PELI2: variants seen among roughly 807,000 people sequenced by gnomAD.
The protein encoded by PELI2 is E3 ubiquitin-protein ligase pellino homolog 2.
PELI2 carries 23 observed loss-of-function variants against 42.3 expected under a neutral mutation model. The ratio of observed to expected loss-of-function variants is 0.54; its 90% CI spans 0.39 to 0.77. PELI2 has a LOEUF of 0.77. Among genes scored for constraint, PELI2 ranks in the 30% least tolerant of loss-of-function variants. The probability of loss-of-function intolerance (pLI) is 0.00; values close to 1 mark genes in which losing one functional copy is unlikely to be tolerated. For synonymous variants in PELI2, 245 were observed against 212.2 expected (o/e 1.15, Z -1.34); for missense variants, 463 against 553.2 (o/e 0.84, Z 1.64).
intron 2 of PELI2, among the ~76,000 whole-genome samples, chr14:56,272,387 C>A: frequency 6.6e-6 from 1 of 152,160 alleles, no homozygotes; most frequent in East Asian, 1.9e-4. Context: ...ACACCGCATT[C>A]CCTTAAATGA....
chr14:56,122,598 C>CTT (rs34293379), intron 1 of PELI2, among the ~76,000 whole-genome samples: 16 of 149,324 alleles, frequency 1.1e-4, no homozygotes, highest in Admixed American at 1.3e-4. Context: ...TTTTGCAAGA[C>CTT]TTTTTTTTTT....
At chr14:56,294,436 C>T (rs1031882450) in intron 5 of PELI2, among the ~76,000 whole-genome samples, 9 of 152,160 alleles carry the variant, frequency 5.9e-5, no homozygotes, top group African/African-American at 1.4e-4. Context: ...CAGGAGAAGT[C>T]GAGTGACTGC....
At chr14:56,248,368 T>A (rs1888231452) in intron 2 of PELI2, among the ~76,000 whole-genome samples, 2 of 151,782 alleles carry the variant, frequency 1.3e-5, no homozygotes. Flanking sequence ...CAGATCATTA[T>A]TCCTTTTTTT....
intron 2 of PELI2, among the ~76,000 whole-genome samples, chr14:56,250,875 A>C (rs1392229787): frequency 6.6e-6 from 1 of 152,198 alleles, no homozygotes; most frequent in East Asian, 1.9e-4. Context: ...AGCCTGTGCA[A>C]GTGATTTACT....
intron 1 of PELI2, among the ~76,000 whole-genome samples, chr14:56,169,509 C>T (rs997275197): frequency 6.6e-6 from 1 of 152,228 alleles, no homozygotes; most frequent in African/African-American, 2.4e-5. Flanking sequence ...TGTGCTCTCC[C>T]TCCTCAGCTC....
intron 1 of PELI2, among the ~76,000 whole-genome samples, chr14:56,132,864 TTCCTACAAC>T (rs1333549702): frequency 6.6e-6 from 1 of 152,234 alleles, no homozygotes; most frequent in Admixed American, 6.5e-5. Context: ...CTCTCATTGA[TTCCTACAAC>T]TTTCAGATGT....
intron 2 of PELI2, among the ~76,000 whole-genome samples, chr14:56,184,733 A>T (rs1193890799): frequency 6.6e-6 from 1 of 152,082 alleles, no homozygotes; most frequent in Non-Finnish European, 1.5e-5. Flanking sequence ...TACTATGAGC[A>T]GTATTATGTG....
At chr14:56,143,853 A>G (rs1473412421) in intron 1 of PELI2, among the ~76,000 whole-genome samples, 2 of 152,304 alleles carry the variant, frequency 1.3e-5, no homozygotes, top group East Asian at 1.9e-4. Context: ...TCAGCCTGCA[A>G]TCAACCACTT....
chr14:56,126,751 G>A (rs557575322), intron 1 of PELI2, among the ~76,000 whole-genome samples: 14 of 152,142 alleles, frequency 9.2e-5, no homozygotes, highest in Admixed American at 2.0e-4. Flanking sequence ...TTGATTGATT[G>A]ATTGCGTTGG....
At chr14:56,275,154 C>G (rs1206721115) in intron 2 of PELI2, among the ~76,000 whole-genome samples, 1 of 152,168 alleles carries the variant, frequency 6.6e-6, no homozygotes, top group African/African-American at 2.4e-5. Flanking sequence ...ATAAATAAGA[C>G]TGAACGTGTG....
intron 1 of PELI2, among the ~76,000 whole-genome samples, chr14:56,153,096 C>A (rs925292355): frequency 6.6e-6 from 1 of 152,260 alleles, no homozygotes; most frequent in Admixed American, 6.5e-5. Flanking sequence ...CATGTTGTTT[C>A]TTCCACCTGG....
In PELI2 at chr14:56,118,615, G is replaced by T; in HGVS notation, c.-46G>T. The T allele has an allele frequency of 8.1e-7, 1 of 1,228,962 alleles. No individual in the cohort carries two copies. The highest frequency in any genetic ancestry group is 1.1e-6 in the Non-Finnish European group (1 of 941,650). The allele number at this position is 1,228,962 out of a possible 1,614,324, so 76.1% of individuals were successfully genotyped here. On this transcript the variant is annotated 5_prime_UTR_variant, in exon 1 of 6. Transcript: ENST00000267460. ...GCGCGGACTCGGCGGGGATCGCGGC[G>T]GAGGCGGCGGCGTCGGCGGCGGCGT...
intron 5 of PELI2, among the ~76,000 whole-genome samples, chr14:56,293,252 G>A (rs1475364061): frequency 6.6e-6 from 1 of 152,180 alleles, no homozygotes; most frequent in South Asian, 2.1e-4. Flanking sequence ...TGCCATGGTA[G>A]AGGCCAAATG....
chr14:56,210,072 A>T (rs373541231), intron 2 of PELI2, among the ~76,000 whole-genome samples: 1 of 152,216 alleles, frequency 6.6e-6, no homozygotes, highest in Non-Finnish European at 1.5e-5. Context: ...ATTAATGTCA[A>T]ATTTCTTTAG....
intron 1 of PELI2, among the ~76,000 whole-genome samples, chr14:56,124,129 CCTT>C (rs1883161823): frequency 1.3e-5 from 2 of 152,114 alleles, no homozygotes; most frequent in Non-Finnish European, 2.9e-5. Context: ...CTTATTGTCA[CCTT>C]CATCTTCTGG....
rs375014310 is a variant in PELI2, at chr14:56,288,508, C to T, written c.381C>T (p.Asp127=). 5.6e-6 allele frequency: 9 copies of T among 1,613,924 alleles called. No individual in the cohort carries two copies. Among genetic ancestry groups the T allele is most frequent in the East Asian group, 2.2e-5 (1 of 44,874 alleles). ...TDTISGSQNT[D]EAQITQSTIS... ...CGATTTCTGGCAGCCAGAACACGGACGAAGCCCAGATCACACAGAGCACCA... is the reference window on the plus strand; with the variant it reads ...CGATTTCTGGCAGCCAGAACACGGATGAAGCCCAGATCACACAGAGCACCA... Residue 127 remains aspartate, a synonymous_variant, in exon 4 of 6, where the codon GAC becomes GAT. Coordinates refer to ENST00000267460, the MANE Select transcript of PELI2 (RefSeq NM_021255.3). The surrounding 1 kb of genome is among the most constrained non-coding windows in gnomAD (Gnocchi z 4.6).
rs242391 is a variant in PELI2, at chr14:56,181,372, T to C, written c.207+2908T>C. 1.1e-4 allele frequency among the ~76,000 whole-genome samples: 17 copies of C among 149,362 alleles called. No individual in the cohort carries two copies. In the East Asian group the frequency reaches 2.4e-3, roughly 21 times the overall value. On this transcript the variant is annotated intron_variant, in intron 2 of 5. Transcript: ENST00000267460. The stretch of plus-strand genomic sequence containing the variant: ...TTTTTTTTTTTTTTTTGGTCTTTAT[T>C]ACTCACCCCATGCCCCTTAAGAATG...
At chr14:56,286,866 G>A (rs900348867) in intron 3 of PELI2, among the ~76,000 whole-genome samples, 8 of 152,184 alleles carry the variant, frequency 5.3e-5, no homozygotes, top group Non-Finnish European at 1.2e-4. Context: ...GATAAGTCAT[G>A]TGTATGACCG....
In PELI2 at chr14:56,271,351, T is replaced by C. The variant is rs188598541; in HGVS notation, c.208-8325T>C. On this transcript the variant is annotated intron_variant, in intron 2 of 5. Transcript: ENST00000267460. ...CACTCAGACCTACCCCCAAACAGTT[T>C]TATTATTATGTTTTCCCATACCGAT... is the stretch of plus-strand genomic sequence containing the variant. 2.0e-5 allele frequency among the ~76,000 whole-genome samples: 3 copies of C among 152,284 alleles called. No individual in the cohort carries two copies. The East Asian group carries it at 5.8e-4, about 29-fold the overall frequency.
Sources: allele counts gnomAD v4.1 joint callset (sites outside exome capture counted in the v4.1 genomes callset), GRCh38; gene constraint gnomAD v4.1.1; non-coding constraint Gnocchi (gnomAD v3.1); transcripts MANE v1.5; gene names NCBI Gene and HGNC (gene_info 2026-07-23, HGNC 2026-07-21).